QTMAN: variants seen among roughly 807,000 people sequenced by gnomAD.
QTMAN encodes queuosine-tRNA mannosyltransferase, also known as tRNA-queuosine alpha-mannosyltransferase.
chr2:144,261,455 G>T, the QTMAN span, among the ~76,000 whole-genome samples: 2 of 152,010 alleles, frequency 1.3e-5, no homozygotes, highest in African/African-American at 4.8e-5. Flanking sequence ...CTGAAATGGG[G>T]GAAAGCCCAG....
chr2:144,312,316 C>T, the QTMAN span, among the ~76,000 whole-genome samples: 1 of 151,922 alleles, frequency 6.6e-6, no homozygotes, highest in Non-Finnish European at 1.5e-5. Flanking sequence ...CAGGCATGAG[C>T]CACTACACCC....
chr2:144,145,718 C>A, the QTMAN span: 1 of 1,610,088 alleles, frequency 6.2e-7, no homozygotes, highest in Non-Finnish European at 8.5e-7. Context: ...TCAGGTTAAG[C>A]ACTGAACTTG....
At chr2:144,301,829 T>A in the QTMAN span, among the ~76,000 whole-genome samples, 4 of 152,206 alleles carry the variant, frequency 2.6e-5, no homozygotes, top group Admixed American at 6.5e-5. Flanking sequence ...AGGAGGCATG[T>A]CTTCTTTATC....
the QTMAN span, among the ~76,000 whole-genome samples, chr2:144,250,713 T>C: frequency 6.8e-6 from 1 of 147,786 alleles, no homozygotes; most frequent in South Asian, 2.1e-4. Flanking sequence ...CATTACTTTA[T>C]ATTACTGGTT....
the QTMAN span, among the ~76,000 whole-genome samples, chr2:144,023,184 T>C: frequency 6.6e-5 from 10 of 152,116 alleles, no homozygotes; most frequent in Admixed American, 1.3e-4. Flanking sequence ...GTTTTGTGAA[T>C]AGGTGAGGAA....
the QTMAN span, among the ~76,000 whole-genome samples, chr2:144,091,080 G>A: frequency 1.3e-5 from 2 of 151,894 alleles, no homozygotes; most frequent in African/African-American, 2.4e-5. Context: ...AAGTTCTAAA[G>A]GTAATTAAGT....
chr2:143,948,315 A>C, the QTMAN span, among the ~76,000 whole-genome samples: 15 of 152,192 alleles, frequency 9.9e-5, no homozygotes, highest in Non-Finnish European at 2.9e-5. Flanking sequence ...AAATAATAGA[A>C]GATTATAAAA....
the QTMAN span, among the ~76,000 whole-genome samples, chr2:144,163,094 C>A: frequency 6.6e-6 from 1 of 151,790 alleles, no homozygotes; most frequent in Non-Finnish European, 1.5e-5. Flanking sequence ...AAAAAAGATC[C>A]CTAATAATAT....
the QTMAN span, among the ~76,000 whole-genome samples, chr2:143,963,671 C>G: frequency 6.6e-6 from 1 of 151,942 alleles, no homozygotes; most frequent in Non-Finnish European, 1.5e-5. Context: ...ATTCTGGCAC[C>G]CTAATTGGAG....
At chr2:143,948,952 C>T in the QTMAN span, among the ~76,000 whole-genome samples, 1 of 152,018 alleles carries the variant, frequency 6.6e-6, no homozygotes, top group Admixed American at 6.6e-5. Context: ...CTCGACAATA[C>T]AAGTTTATAG....
the QTMAN span, among the ~76,000 whole-genome samples, chr2:143,998,078 A>C: frequency 5.1e-4 from 78 of 152,122 alleles, no homozygotes; most frequent in Non-Finnish European, 6.8e-4. Flanking sequence ...CCCTGTAACC[A>C]GCTCCCCACC....
the QTMAN span, among the ~76,000 whole-genome samples, chr2:144,241,218 G>A: frequency 2.6e-5 from 4 of 152,192 alleles, no homozygotes; most frequent in African/African-American, 9.7e-5. Context: ...CAGAAACTCT[G>A]GAGTGGGGCC....
chr2:144,289,412 A>C, the QTMAN span, among the ~76,000 whole-genome samples: 3 of 152,280 alleles, frequency 2.0e-5, no homozygotes, highest in African/African-American at 7.2e-5. Context: ...TCTAGAAAAC[A>C]CTGAGCATAG....
chr2:144,300,340 T>C, the QTMAN span, among the ~76,000 whole-genome samples: 1 of 152,142 alleles, frequency 6.6e-6, no homozygotes, highest in Non-Finnish European at 1.5e-5. Flanking sequence ...ATATACAAAT[T>C]GTATGAGAAA....
At chr2:143,958,577 G>C in the QTMAN span, among the ~76,000 whole-genome samples, 1 of 152,036 alleles carries the variant, frequency 6.6e-6, no homozygotes, top group African/African-American at 2.4e-5. Flanking sequence ...TGGGGGAAAT[G>C]TAATTACCAG....
chr2:144,321,525 T>C, the QTMAN span, among the ~76,000 whole-genome samples: 1 of 152,212 alleles, frequency 6.6e-6, no homozygotes, highest in African/African-American at 2.4e-5. Flanking sequence ...TCATAAATTG[T>C]AGATTGACGG....
chr2:144,303,060 C>A, the QTMAN span, among the ~76,000 whole-genome samples: 1 of 152,138 alleles, frequency 6.6e-6, no homozygotes, highest in East Asian at 1.9e-4. Flanking sequence ...AGAGATCGCA[C>A]CATTGCATTC....
the QTMAN span, among the ~76,000 whole-genome samples, chr2:144,133,537 AAG>A: frequency 1.0e-5 from 1 of 100,070 alleles, no homozygotes; most frequent in Non-Finnish European, 1.9e-5. Context: ...AATATATATA[AAG>A]ATATAAAGAT....
the QTMAN span, among the ~76,000 whole-genome samples, chr2:144,019,438 GTGT>G: frequency 6.5e-5 from 6 of 91,722 alleles, no homozygotes; most frequent in Non-Finnish European, 1.2e-4. Context: ...GCATGCAGGT[GTGT>G]GTGTGTGTGT....
Sources: gnomAD v4.1 joint callset for allele counts (sites outside exome capture counted in the v4.1 genomes callset) on GRCh38, gnomAD v4.1.1 for gene constraint, MANE v1.5 for transcripts, NCBI Gene and HGNC (gene_info 2026-07-23, HGNC 2026-07-21) for gene names.